The following GHDC variants were observed in gnomAD, a reference collection of about 807,000 sequenced individuals.
GHDC encodes the protein GH3 domain-containing protein.
Under a neutral mutation model 51.5 loss-of-function variants are expected in GHDC, and 39 were observed. The ratio of observed to expected loss-of-function variants is 0.76; its 90% CI spans 0.59 to 0.99. GHDC has a LOEUF of 0.99. GHDC is among the 50% of genes least tolerant of loss of function. The pLI is 0.00. For missense variants in GHDC, 610 were observed against 672.8 expected (o/e 0.91, Z 1.03); for synonymous variants, 282 against 305.2 (o/e 0.92, Z 0.79).
rs144632542 is a variant in GHDC at position 42,192,498 on chromosome 17, A to G, written c.632T>C (p.Leu211Ser). The G allele has an allele frequency of 8.7e-3, 14,015 of 1,613,696 alleles. 78 individuals carry two copies. The highest frequency in any genetic ancestry group is 0.01 in the Non-Finnish European group (12,210 of 1,180,008). Reference sequence around the variant, plus strand: ...CTCTTCACCATCAGTCTCCAGGCCCAAGAAAACATCCAGAAGTTCGACAGC... The same window carrying G: ...CTCTTCACCATCAGTCTCCAGGCCCGAGAAAACATCCAGAAGTTCGACAGC... The part of the protein sequence containing the change: ...GTAVELLDVF[L>S]GLETDGEELA... Residue 211 changes from leucine to serine, a missense_variant, in exon 5 of 10, where the codon TTG becomes TCG. Around this residue, in one of 2 missense-constraint regions of GHDC, gnomAD observed 198 missense variants for 262.3 expected, o/e 0.75. Coordinates refer to ENST00000587427, the MANE Select transcript of GHDC (RefSeq NM_032484.5).
rs1181862696 is a variant in GHDC at position 42,193,479 on chromosome 17, G to A, written c.103C>T (p.Leu35Phe). The change falls in exon 3 of 10, where the codon CTC (leucine) becomes TTC (phenylalanine). Residue 35 changes from leucine (L) to phenylalanine (F), a missense_variant. Physicochemically the swap from Leu to Phe is conservative, Grantham distance 22. Around this residue, in one of 2 missense-constraint regions of GHDC, gnomAD observed 198 missense variants for 262.3 expected, o/e 0.75. Coordinates refer to ENST00000587427, the MANE Select transcript of GHDC (RefSeq NM_032484.5). ...QDARLSWLAG[L>F]QHRVAWGALV... is the part of the protein sequence containing the mutation. ...GCCCCCCATGCCACTCGGTGCTGGA[G>A]GCCAGCAAGCCAGGACAGCCTGGCA... The A allele has an allele frequency of 1.3e-6, 2 of 1,555,954 alleles. No individual in the cohort carries two copies. Among genetic ancestry groups the A allele is most frequent in the Non-Finnish European group, 1.7e-6 (2 of 1,150,040 alleles).
chr17:42,193,142 T>C (rs2079982996), intron 3 of GHDC, 115 bp from the exon 4 acceptor site: 3 of 1,551,958 alleles, frequency 1.9e-6, no homozygotes, highest in Non-Finnish European at 2.6e-6. Flanking sequence ...GTAGAGAGGA[T>C]GTAAGGACCC....
In GHDC at chr17:42,189,889, G is replaced by T. The variant is rs1187011878; in HGVS notation, c.1407C>A (p.Arg469=). Residue 469 remains arginine, a synonymous_variant, in exon 10 of 10, where the codon CGC becomes CGA. Transcript: ENST00000587427. ...TGCCCCAGAACCGCAGGGACTTGTA[G>T]CGGGGAGAGGCTTCCTGAAGGCAGT... The part of the protein sequence containing the change: ...LDHCLQEASP[R]YKSLRFWGSV... 6.5e-7 allele frequency: 1 copy of T among 1,549,906 alleles called. No individual in the cohort carries two copies. Among genetic ancestry groups the T allele is most frequent in the Non-Finnish European group, 8.7e-7 (1 of 1,148,016 alleles).
chr17:42,190,108 G>C (rs993480688), intron 9 of GHDC, 77 bp downstream of exon 9: 3 of 1,524,826 alleles, frequency 2.0e-6, no homozygotes, highest in Admixed American at 1.9e-5. Flanking sequence ...CTTCCCATCA[G>C]CCCTGATCTC....
Position 42,192,443 on chromosome 17 carries a change from A to G in GHDC, c.687T>C (p.Pro229=), listed in dbSNP as rs776080043. 21 of 1,613,442 alleles carry G rather than the reference A, an allele frequency of 1.3e-5. No homozygotes were observed. The highest frequency in any genetic ancestry group is 3.3e-4 in the Middle Eastern group (2 of 6,084). Residue 229 remains proline (P), a synonymous_variant, in exon 5 of 10, where the codon CCT becomes CCC. Transcript: ENST00000587427. The stretch of plus-strand genomic sequence containing the variant: ...CTGCCCGTTCACGGAGAGGCGCTCC[A>G]GGGTTCCCGGCAGCTATCGCCCCAG... ...ELAGAIAAGN[P]GAPLRERAAE...
chr17:42,192,461 C>G lies in GHDC; in HGVS notation c.669G>C (p.Ala223=). The change falls in exon 5 of 10, where the codon GCG becomes GCC. Residue 223 remains alanine, a synonymous_variant. Coordinates refer to ENST00000587427, the MANE Select transcript of GHDC (RefSeq NM_032484.5). ...LETDGEELAG[A]IAAGNPGAPL... ...GCGCTCCAGGGTTCCCGGCAGCTAT[C>G]GCCCCAGCTAGCTCTTCACCATCAG... 6.2e-7 allele frequency: 1 copy of G among 1,613,700 alleles called. No individual in the cohort carries two copies. The highest frequency in any genetic ancestry group is 8.5e-7 in the Non-Finnish European group (1 of 1,180,038).
chr17:42,189,142 T>C lies in GHDC; in HGVS notation c.*561A>G, dbSNP rs1303826313. On this transcript the variant is annotated 3_prime_UTR_variant, in exon 10 of 10. Transcript: ENST00000587427. The stretch of plus-strand genomic sequence containing the variant: ...TCCCAGGAAGCCCAAGGCGGGGGAG[T>C]GGGGAAGAGAGGGAAGGGAGAGCCC... 7.5e-6 allele frequency: 3 copies of C among 397,392 alleles called. No individual in the cohort carries two copies. The highest frequency in any genetic ancestry group is 1.3e-5 in the Non-Finnish European group (3 of 225,870). The allele number at this position is 397,392 out of a possible 1,614,324, so 24.6% of individuals were successfully genotyped here. A position where few individuals can be genotyped will look rare whatever the true frequency, so the allele number is the denominator to read the frequency against.
At chr17:42,193,213 C>G (rs546329985) in intron 3 of GHDC, 104 bp downstream of exon 3, 2 of 1,519,218 alleles carry the variant, frequency 1.3e-6, no homozygotes, top group Non-Finnish European at 1.8e-6. Flanking sequence ...CAGGCCACTC[C>G]GTTGGCAGTG....
Position 42,191,226 on chromosome 17 carries a change from A to C in GHDC, c.890-16T>G. The stretch of plus-strand genomic sequence containing the variant: ...CCCAGCACCCCTGTGAAAGCAAAGC[A>C]GCCTCCTCAGCGTCTGCTGGTGCCA... On this transcript the variant is annotated splice_polypyrimidine_tract_variant and intron_variant, in intron 5 of 9. Coordinates refer to ENST00000587427, the MANE Select transcript of GHDC (RefSeq NM_032484.5). 1 of 1,485,270 alleles carries C rather than the reference A, an allele frequency of 6.7e-7. No homozygotes were observed. The highest frequency in any genetic ancestry group is 1.4e-5 in the South Asian group (1 of 72,312). 92.0% of individuals were successfully genotyped at this position (1,485,270 alleles called of 1,614,324 possible).
At position 42,192,486 on chromosome 17, in the gene GHDC, G is replaced by C; in HGVS notation, c.644C>G (p.Thr215Ser). Residue 215 changes from threonine (T) to serine (S), a missense_variant, in exon 5 of 10, where the codon ACT (threonine) becomes AGT (serine). By Grantham distance (58) the Thr-to-Ser change is moderately conservative (BLOSUM62 1). Transcript: ENST00000587427. Reference protein sequence around the residue: ...ELLDVFLGLETDGEELAGAIA... With the variant: ...ELLDVFLGLESDGEELAGAIA... ...CGCCCCAGCTAGCTCTTCACCATCA[G>C]TCTCCAGGCCCAAGAAAACATCCAG... 2 of 1,613,724 alleles carry C rather than the reference G, an allele frequency of 1.2e-6. No homozygotes were observed. The highest frequency in any genetic ancestry group is 1.7e-6 in the Non-Finnish European group (2 of 1,180,036).
At position 42,189,700 on chromosome 17, in the gene GHDC, G is replaced by C; in HGVS notation, c.*3C>G. 1 of 1,441,050 alleles carries C rather than the reference G, an allele frequency of 6.9e-7. No individual in the cohort carries two copies. The highest frequency in any genetic ancestry group is 9.1e-7 in the Non-Finnish European group (1 of 1,094,128). 89.3% of individuals were successfully genotyped at this position (1,441,050 alleles called of 1,614,324 possible). A position where few individuals can be genotyped will look rare whatever the true frequency, so the allele number is the denominator to read the frequency against. Reference sequence around the variant, plus strand: ...GGAGCTGGGCGGTGGGGCAGGACTTGACTCAGGACACCACCCTCTCCTGCA... The same window carrying C: ...GGAGCTGGGCGGTGGGGCAGGACTTCACTCAGGACACCACCCTCTCCTGCA... On this transcript the variant is annotated 3_prime_UTR_variant, in exon 10 of 10. Coordinates refer to ENST00000587427, the MANE Select transcript of GHDC (RefSeq NM_032484.5).
Position 42,189,789 on chromosome 17 carries a change from GGCAGGCAGCGAGGGCTGCCCGGAGT to G in GHDC, c.1482_1506del (p.Leu495ProfsTer61). The G allele has an allele frequency of 6.5e-7, 1 of 1,546,616 alleles. No individual in the cohort carries two copies. The highest frequency in any genetic ancestry group is 8.7e-7 in the Non-Finnish European group (1 of 1,146,020). ...ATCGCAGGGGGGAAGGGGGAGGAGG[GGCAGGCAGCGAGGGCTGCCCGGAGT>G]GCTCGGAAGGCTCCCTGCCCCACCA... On this transcript the variant is annotated frameshift_variant, in exon 10 of 10. Transcript: ENST00000587427. LOFTEE classifies it high-confidence loss of function.
At chr17:42,190,295 CA>C in intron 8 of GHDC, 25 bp from the exon 9 acceptor site, 1 of 1,614,198 alleles carries the variant, frequency 6.2e-7, no homozygotes, top group African/African-American at 1.3e-5. Flanking sequence ...CATGTGCACA[CA>C]TACTTCCGGT....
intron 5 of GHDC, among the ~76,000 whole-genome samples, chr17:42,191,924 C>A (rs185451399): frequency 6.6e-6 from 1 of 151,890 alleles, no homozygotes; most frequent in Non-Finnish European, 1.5e-5. Flanking sequence ...CACCATACTC[C>A]GCTAGTTTTT....
In GHDC at chr17:42,192,940, G is replaced by A; in HGVS notation, c.353C>T (p.Thr118Ile). The A allele has an allele frequency of 6.2e-7, 1 of 1,614,122 alleles. No homozygotes were observed. The highest frequency in any genetic ancestry group is 1.1e-5 in the South Asian group (1 of 91,076). Residue 118 changes from threonine (T) to isoleucine (I), a missense_variant, in exon 4 of 10, where the codon ACC (threonine) becomes ATC (isoleucine). Physicochemically the swap from Thr to Ile is moderately conservative, Grantham distance 89. Coordinates refer to ENST00000587427, the MANE Select transcript of GHDC (RefSeq NM_032484.5). ...EDSGEQPLPP[T>I]SNQDLGEASL... ...GGCCTCCCCAAGGTCCTGGTTTGAG[G>A]TCGGGGGCAGTGGCTGCTCTCCACT...
rs1224948839 is a variant in GHDC, at chr17:42,193,567, T to C, written c.15A>G (p.Pro5=). The C allele has an allele frequency of 3.9e-6, 6 of 1,537,590 alleles. No individual in the cohort carries two copies. Among genetic ancestry groups the C allele is most frequent in the Non-Finnish European group, 5.2e-6 (6 of 1,145,210 alleles). Residue 5 remains proline (P), a synonymous_variant, in exon 3 of 10, where the codon CCA becomes CCG. Transcript: ENST00000587427. Reference sequence around the variant, plus strand: ...GCAGCAGCAGCAGCAGCAGCAGCAGTGGCCACAGCAGCATCTCCAAGCAGC... The same window carrying C: ...GCAGCAGCAGCAGCAGCAGCAGCAGCGGCCACAGCAGCATCTCCAAGCAGC... MLLW[P]LLLLLLLLPT...
Position 42,192,576 on chromosome 17 carries a change from A to G in GHDC, c.554T>C (p.Leu185Pro). ...TGGGGACCTCAGTGCGTCCAGCAGCAGGGCCCTAGGGTCCTTGGTTCCAGG... is the reference window on the plus strand; with the variant it reads ...TGGGGACCTCAGTGCGTCCAGCAGCGGGGCCCTAGGGTCCTTGGTTCCAGG... ...GTPGTKDPRA[L>P]LLDALRSPGL... Residue 185 changes from leucine (L) to proline (P), a missense_variant, in exon 5 of 10, where the codon CTG becomes CCG. Transcript: ENST00000587427. 1.2e-6 allele frequency: 2 copies of G among 1,613,692 alleles called. No homozygotes were observed. Among genetic ancestry groups the G allele is most frequent in the Non-Finnish European group, 8.5e-7 (1 of 1,180,036 alleles).
In GHDC at chr17:42,193,542, G is replaced by T; in HGVS notation, c.40C>A (p.Pro14Thr). ...TGCTGCCTGAGCAGGGCCAATGTTG[G>T]CAGCAGCAGCAGCAGCAGCAGCAGT... is the stretch of plus-strand genomic sequence containing the variant. ...WPLLLLLLLL[P>T]TLALLRQQRS... Residue 14 changes from proline (P) to threonine (T), a missense_variant, in exon 3 of 10, where the codon CCA becomes ACA. Pro to Thr is a conservative substitution (Grantham distance 38, BLOSUM62 -1). Transcript: ENST00000587427. 7.0e-7 allele frequency: 1 copy of T among 1,434,996 alleles called. No individual in the cohort carries two copies. Among genetic ancestry groups the T allele is most frequent in the Non-Finnish European group, 9.3e-7 (1 of 1,075,190 alleles). The allele number at this position is 1,434,996 out of a possible 1,614,324, so 88.9% of individuals were successfully genotyped here.
Position 42,193,550 on chromosome 17 carries a change from A to G in GHDC, c.32T>C (p.Leu11Pro), listed in dbSNP as rs1215919329. MLLWPLLLLL[L>P]LLPTLALLRQ... is the part of the protein sequence containing the mutation. The stretch of plus-strand genomic sequence containing the variant: ...GAGCAGGGCCAATGTTGGCAGCAGC[A>G]GCAGCAGCAGCAGCAGTGGCCACAG... The change falls in exon 3 of 10, where the codon CTG becomes CCG. Residue 11 changes from leucine to proline, a missense_variant. Leu to Pro is a moderately conservative substitution (Grantham distance 98). Transcript: ENST00000587427. 3 of 1,540,376 alleles carry G rather than the reference A, an allele frequency of 1.9e-6. No homozygotes were observed. Among genetic ancestry groups the G allele is most frequent in the Middle Eastern group, 1.7e-4 (1 of 5,984 alleles).
Sources: allele counts gnomAD v4.1 joint callset (sites outside exome capture counted in the v4.1 genomes callset), GRCh38; gene constraint gnomAD v4.1.1; regional missense constraint gnomAD v4.1.1; transcripts MANE v1.5; gene names NCBI Gene and HGNC (gene_info 2026-07-23, HGNC 2026-07-21).